The following PDCD1LG2 variants were observed in gnomAD, a reference collection of about 807,000 sequenced individuals.
PDCD1LG2 encodes programmed cell death 1 ligand 2, also known as B7 dendritic cell molecule.
In PDCD1LG2, 32 loss-of-function variants were observed where a neutral mutation model predicts 28.2. The ratio of observed to expected loss-of-function variants is 1.13; its 90% CI spans 0.86 to 1.52. The LOEUF (loss-of-function observed/expected upper bound fraction) is 1.52. Among genes scored for constraint, PDCD1LG2 ranks in the 40% most tolerant of loss-of-function variants. The pLI, the probability that PDCD1LG2 is intolerant of heterozygous loss-of-function variation, is 0.00. For missense variants in PDCD1LG2, 385 were observed against 323.8 expected, an observed-to-expected ratio of 1.19 and a Z score of -1.45; for synonymous variants, 116 against 120.2, an observed-to-expected ratio of 0.97 and a Z score of 0.23.
In PDCD1LG2 at chr9:5,569,566, C is replaced by G. The variant is rs140104735; in HGVS notation, c.817-388C>G. On this transcript the variant is annotated intron_variant, in intron 6 of 6. Transcript: ENST00000397747. This position sits in a 1 kb window ranked among gnomAD's most constrained non-coding sequence, Gnocchi z 4.1. ...AGCCCAGTGATGCAGTCTGCAATGT[C>G]ATCATCCTGGAGCATGAATAGAGTG... Among the ~76,000 whole-genome samples the G allele has an allele frequency of 3.3e-5, 5 of 152,320 alleles. No individual in the cohort carries two copies. The East Asian group carries it at 9.6e-4, about 29-fold the overall frequency.
chr9:5,557,007 T>C (rs950118388), intron 4 of PDCD1LG2, among the ~76,000 whole-genome samples: 1 of 152,206 alleles, frequency 6.6e-6, no homozygotes, highest in Non-Finnish European at 1.5e-5. Context: ...TAATTCACAC[T>C]AAGGCATGAG....
chr9:5,522,408 C>T (rs1820292676), intron 1 of PDCD1LG2, 125 bp from the exon 2 acceptor site: 1 of 649,368 alleles, frequency 1.5e-6, no homozygotes, highest in East Asian at 2.8e-5. Flanking sequence ...CTCCCAGCTC[C>T]ACTCTACCAT....
chr9:5,545,836 T>G (rs1816192432), intron 3 of PDCD1LG2, among the ~76,000 whole-genome samples: 1 of 152,228 alleles, frequency 6.6e-6, no homozygotes, highest in Non-Finnish European at 1.5e-5. Flanking sequence ...TTCAAGCGTA[T>G]GTGGAACAAT....
At chr9:5,534,243 C>T (rs4143813) in intron 2 of PDCD1LG2, among the ~76,000 whole-genome samples, 36,974 of 152,072 alleles carry the variant, frequency 0.24, 7,856 homozygotes, top group African/African-American at 0.58. Flanking sequence ...GAAGTGATAC[C>T]TGGCACAAAA....
chr9:5,553,957 G>A (rs72689421), intron 4 of PDCD1LG2, among the ~76,000 whole-genome samples: 3,234 of 152,032 alleles, frequency 0.021, 51 homozygotes, highest in Middle Eastern at 0.044. Flanking sequence ...TGCCTTCTTT[G>A]CTCAGGTTTT....
At chr9:5,530,069 A>G (rs1284135822) in intron 2 of PDCD1LG2, among the ~76,000 whole-genome samples, 2 of 151,930 alleles carry the variant, frequency 1.3e-5, no homozygotes, top group Non-Finnish European at 2.9e-5. Flanking sequence ...TAAAATATAA[A>G]CTTAGTTTCA....
At chr9:5,533,060 C>T (rs1310356828) in intron 2 of PDCD1LG2, among the ~76,000 whole-genome samples, 2 of 152,194 alleles carry the variant, frequency 1.3e-5, no homozygotes, top group Admixed American at 1.3e-4. Context: ...ACATTTTATA[C>T]TGAAACAACT....
chr9:5,561,818 A>G (rs1177819954), intron 5 of PDCD1LG2, among the ~76,000 whole-genome samples: 2 of 152,218 alleles, frequency 1.3e-5, no homozygotes, highest in Non-Finnish European at 2.9e-5. Context: ...TTGAGCCAGA[A>G]TTTTACAGAG....
chr9:5,562,965 T>A (rs1451922918), intron 5 of PDCD1LG2, among the ~76,000 whole-genome samples, 197 bp from the exon 6 acceptor site: 1 of 152,240 alleles, frequency 6.6e-6, no homozygotes, highest in Non-Finnish European at 1.5e-5. Flanking sequence ...AGTGTGAGAC[T>A]TCTTTGTTCA....
intron 4 of PDCD1LG2, among the ~76,000 whole-genome samples, chr9:5,555,128 T>C (rs1816411301): frequency 6.6e-6 from 1 of 152,154 alleles, no homozygotes; most frequent in African/African-American, 2.4e-5. Flanking sequence ...GAGTATGCCA[T>C]TATTGGCCAG....
chr9:5,527,885 A>G, intron 2 of PDCD1LG2, among the ~76,000 whole-genome samples: 1 of 151,988 alleles, frequency 6.6e-6, no homozygotes, highest in African/African-American at 2.4e-5. Flanking sequence ...CTAAAGTGCA[A>G]TGCCGTGATC....
chr9:5,523,654 G>A (rs1412553429), intron 2 of PDCD1LG2, among the ~76,000 whole-genome samples: 1 of 152,162 alleles, frequency 6.6e-6, no homozygotes, highest in Admixed American at 6.5e-5. Flanking sequence ...TCTTTGCAAG[G>A]AACCCTGCCT....
At chr9:5,547,897 T>C (rs541213780) in intron 3 of PDCD1LG2, among the ~76,000 whole-genome samples, 39 of 147,172 alleles carry the variant, frequency 2.6e-4, no homozygotes, top group Admixed American at 6.2e-4. Context: ...GAGATCACGC[T>C]GTTGCACTCC....
At chr9:5,561,664 G>T (rs865798907) in intron 5 of PDCD1LG2, among the ~76,000 whole-genome samples, 1 of 152,182 alleles carries the variant, frequency 6.6e-6, no homozygotes, top group Non-Finnish European at 1.5e-5. Flanking sequence ...ACAGAATCTA[G>T]ATCTTTAGAA....
intron 3 of PDCD1LG2, among the ~76,000 whole-genome samples, chr9:5,540,770 A>T (rs1382660192): frequency 6.6e-6 from 1 of 152,210 alleles, no homozygotes; most frequent in Non-Finnish European, 1.5e-5. Context: ...TCATAGCTGA[A>T]TTCTATCAGA....
At chr9:5,564,152 C>A (rs1295043564) in intron 6 of PDCD1LG2, among the ~76,000 whole-genome samples, 1 of 152,094 alleles carries the variant, frequency 6.6e-6, no homozygotes, top group Non-Finnish European at 1.5e-5. Context: ...AGTAAGTAAC[C>A]AACTACTATT....
chr9:5,551,187 G>A (rs572118509), intron 4 of PDCD1LG2, among the ~76,000 whole-genome samples: 2 of 152,162 alleles, frequency 1.3e-5, no homozygotes, highest in Non-Finnish European at 2.9e-5. Flanking sequence ...TTTGGGGAGA[G>A]CCATAATTTT....
chr9:5,516,742 C>T (rs1456906137), intron 1 of PDCD1LG2, among the ~76,000 whole-genome samples: 2 of 152,346 alleles, frequency 1.3e-5, no homozygotes, highest in Admixed American at 6.5e-5. Context: ...CCATCCTGAG[C>T]ACCCACATGC....
At chr9:5,525,502 A>AAT (rs1820356721) in intron 2 of PDCD1LG2, among the ~76,000 whole-genome samples, 2 of 151,536 alleles carry the variant, frequency 1.3e-5, no homozygotes. Flanking sequence ...ATATTTGCAG[A>AAT]ATATATATTA....
Sources: allele counts gnomAD v4.1 joint callset (sites outside exome capture counted in the v4.1 genomes callset), GRCh38; gene constraint gnomAD v4.1.1; non-coding constraint Gnocchi (gnomAD v3.1); transcripts MANE v1.5; gene names NCBI Gene and HGNC (gene_info 2026-07-23, HGNC 2026-07-21).